The following MEGF8 variants were observed in gnomAD, a reference collection of about 807,000 sequenced individuals.
MEGF8 encodes multiple EGF like domains 8, also known as multiple epidermal growth factor-like domains protein 8.
A neutral mutation model predicts 302.9 loss-of-function variants in MEGF8; 156 were observed. The observed-to-expected ratio is 0.52, with a 90% CI of 0.45 to 0.59. The LOEUF (loss-of-function observed/expected upper bound fraction) is 0.59, where lower values mean the gene tolerates loss of function less well. MEGF8 is among the 20% of genes least tolerant of loss of function. The pLI is 0.00. For missense variants in MEGF8, 3,345 were observed against 3,964.5 expected (o/e 0.84, Z 4.20); for synonymous variants, 1,621 against 1,660.5 (o/e 0.98, Z 0.58).
At chr19:42,373,217 C>G (rs566923939) in intron 41 of MEGF8, among the ~76,000 whole-genome samples, 1 of 150,470 alleles carries the variant, frequency 6.6e-6, no homozygotes, top group East Asian at 2.0e-4. Context: ...CTCAGCCCCC[C>G]GAGTAGCTGG....
In MEGF8 at chr19:42,349,489, C is replaced by T. The variant is rs2039337571; in HGVS notation, c.2299-10C>T. 5 of 1,609,096 alleles carry T rather than the reference C, an allele frequency of 3.1e-6. No individual in the cohort carries two copies. Among genetic ancestry groups the T allele is most frequent in the South Asian group, 1.1e-5 (1 of 90,788 alleles). ...CTGAGGCCCCTGCCTATCACTCACA[C>T]CTACCCCAGGAGGAGGTGGGGCGCT... On this transcript the variant is annotated splice_polypyrimidine_tract_variant and intron_variant, in intron 13 of 41. Transcript: ENST00000251268.
Position 42,352,033 on chromosome 19 carries a change from T to C in MEGF8, c.3102-175T>C, listed in dbSNP as rs2039382098. Among the ~76,000 whole-genome samples the C allele has an allele frequency of 6.6e-6, 1 of 152,236 alleles. No homozygotes were observed. The highest frequency in any genetic ancestry group is 6.5e-5 in the Admixed American group (1 of 15,282). On this transcript the variant is annotated intron_variant, in intron 18 of 41. Coordinates refer to ENST00000251268, the MANE Select transcript of MEGF8 (RefSeq NM_001271938.2). This position sits in a 1 kb window ranked among gnomAD's most constrained non-coding sequence, Gnocchi z 4.4. ...ACTGCATCTCTGTCTATGTCTCTCT[T>C]CTGTCTTCCAAAATTGTTTTTGTCT...
At position 42,351,590 on chromosome 19, in the gene MEGF8, G is replaced by A. The variant is rs770823751; in HGVS notation, c.2987+30G>A. ...GGTCCCTGGGGCAGGGCTAACAGAG[G>A]AAGATTCCCCACCGGCAAGGGGCTG... On this transcript the variant is annotated intron_variant, in intron 17 of 41. Transcript: ENST00000251268. This position sits in a 1 kb window ranked among gnomAD's most constrained non-coding sequence, Gnocchi z 5.6. The A allele has an allele frequency of 1.9e-6, 3 of 1,605,318 alleles. No homozygotes were observed. Among genetic ancestry groups the A allele is most frequent in the South Asian group, 1.1e-5 (1 of 89,430 alleles).
chr19:42,370,324 G>A lies in MEGF8; in HGVS notation c.6970G>A (p.Gly2324Arg), dbSNP rs2039668057. The change falls in exon 39 of 42, where the codon GGA becomes AGA. Residue 2324 changes from glycine (G) to arginine (R), a missense_variant. Gly to Arg is a moderately radical substitution (Grantham distance 125). Transcript: ENST00000251268. ...CAGGAAGGAGTTACAAATGTCCAAG[G>A]GAGAGCCAAAGAAGTACTCACTGGA... ...ISRKELQMSK[G>R]EPKKYSLDPE... 1 of 1,603,148 alleles carries A rather than the reference G, an allele frequency of 6.2e-7. No individual in the cohort carries two copies. Among genetic ancestry groups the A allele is most frequent in the Non-Finnish European group, 8.5e-7 (1 of 1,174,550 alleles).
At position 42,369,546 on chromosome 19, in the gene MEGF8, C is replaced by T. The variant is rs1375387637; in HGVS notation, c.6657C>T (p.Cys2219=). The T allele has an allele frequency of 1.2e-6, 2 of 1,608,750 alleles. No individual in the cohort carries two copies. The highest frequency in any genetic ancestry group is 1.7e-5 in the Admixed American group (1 of 59,996). ...GYTMDNMTGL[C]RPVCAQGCVN... is the part of the protein sequence containing the mutation. ...GCCCCTGCAGCATGACAGGGCTGTG[C>T]CGCCCTGTGTGCGCCCAGGGCTGCG... The change falls in exon 38 of 42, where the codon TGC becomes TGT. Residue 2219 remains cysteine (C), a synonymous_variant. Coordinates refer to ENST00000251268, the MANE Select transcript of MEGF8 (RefSeq NM_001271938.2). The surrounding 1 kb of genome is among the most constrained non-coding windows in gnomAD (Gnocchi z 5.7).
At position 42,354,524 on chromosome 19, in the gene MEGF8, C is replaced by T. The variant is rs1346420546; in HGVS notation, c.4012-64C>T. ...CCTCCCCTCTTGAACCCCTCCTCCTCCCAGACCCCAGGTGTCGTTCTCATC... is the reference window on the plus strand; with the variant it reads ...CCTCCCCTCTTGAACCCCTCCTCCTTCCAGACCCCAGGTGTCGTTCTCATC... On this transcript the variant is annotated intron_variant, in intron 22 of 41. Transcript: ENST00000251268. The surrounding 1 kb of genome is among the most constrained non-coding windows in gnomAD (Gnocchi z 4.3). 3.2e-6 allele frequency: 5 copies of T among 1,552,862 alleles called. No homozygotes were observed. The Admixed American group carries it at 7.1e-5, about 22-fold the overall frequency.
Position 42,373,370 on chromosome 19 carries a change from C to T in MEGF8, c.7269+1888C>T, listed in dbSNP as rs544838811. The stretch of plus-strand genomic sequence containing the variant: ...CCTTCCAGAGTGCTGGGATCACAGG[C>T]GTGAGCCACCACCCCCGGCCGGTTC... On this transcript the variant is annotated intron_variant, in intron 41 of 41. Transcript: ENST00000251268. Among the ~76,000 whole-genome samples, 95 of 152,138 alleles carry T rather than the reference C, an allele frequency of 6.2e-4. 1 individual carries two copies. The highest frequency in any genetic ancestry group is 6.8e-3 in the Middle Eastern group (2 of 294).
chr19:42,326,429 G>A lies in MEGF8; in HGVS notation c.186G>A (p.Glu62=), dbSNP rs1196128416. Reference sequence around the variant, plus strand: ...ATGGCAACTGCGAGTGGCTCATCGAGGGTGAGTGGGGCCGCGTGGGTCACT... The same window carrying A: ...ATGGCAACTGCGAGTGGCTCATCGAAGGTGAGTGGGGCCGCGTGGGTCACT... ...SVNGNCEWLI[E]APSPQHRILL... Residue 62 remains glutamate (E), a splice_region_variant and synonymous_variant, in exon 1 of 42, where the codon GAG becomes GAA. Transcript: ENST00000251268. The A allele has an allele frequency of 6.5e-7, 1 of 1,544,836 alleles. No individual in the cohort carries two copies.
In MEGF8 at chr19:42,352,015, C is replaced by T. The variant is rs1204007060; in HGVS notation, c.3102-193C>T. Among the ~76,000 whole-genome samples, 1 of 152,184 alleles carries T rather than the reference C, an allele frequency of 6.6e-6. No homozygotes were observed. Among genetic ancestry groups the T allele is most frequent in the Non-Finnish European group, 1.5e-5 (1 of 68,028 alleles). On this transcript the variant is annotated intron_variant, in intron 18 of 41. Coordinates refer to ENST00000251268, the MANE Select transcript of MEGF8 (RefSeq NM_001271938.2). The surrounding 1 kb of genome is among the most constrained non-coding windows in gnomAD (Gnocchi z 4.4). ...CTCTCCGCTCTCCCTTTCACTGCAT[C>T]TCTGTCTATGTCTCTCTTCTGTCTT... is the stretch of plus-strand genomic sequence containing the variant.
intron 5 of MEGF8, 27 bp downstream of exon 5, chr19:42,335,412 G>A (rs773856470): frequency 1.9e-6 from 3 of 1,609,486 alleles, no homozygotes; most frequent in Admixed American, 3.3e-5. Context: ...TGCCCTGGAG[G>A]AGCCTTTCCA....
chr19:42,376,353 C>A lies in MEGF8; in HGVS notation c.8116C>A (p.Pro2706Thr), dbSNP rs769540970. ...CGCCAAGGTCACCGTCTGCTTCCCA[C>A]CTGACCCTACTGCCCCGGCCTCCGC... Reference protein sequence around the residue: ...PFAKVTVCFPPDPTAPASAWK... With the variant: ...PFAKVTVCFPTDPTAPASAWK... The change falls in exon 42 of 42, where the codon CCT (proline) becomes ACT (threonine). Residue 2706 changes from proline (P) to threonine (T), a missense_variant. By Grantham distance (38) the Pro-to-Thr change is conservative. Transcript: ENST00000251268. This position sits in a 1 kb window ranked among gnomAD's most constrained non-coding sequence, Gnocchi z 8.2. 2 of 1,613,552 alleles carry A rather than the reference C, an allele frequency of 1.2e-6. No individual in the cohort carries two copies. The highest frequency in any genetic ancestry group is 1.7e-6 in the Non-Finnish European group (2 of 1,179,822).
chr19:42,338,175 G>A (rs2039158411), intron 8 of MEGF8, among the ~76,000 whole-genome samples: 1 of 152,062 alleles, frequency 6.6e-6, no homozygotes. Context: ...GTGTGTCATG[G>A]GGATTTGGTG....
chr19:42,369,376 G>T lies in MEGF8; in HGVS notation c.6642-155G>T, dbSNP rs1159570577. On this transcript the variant is annotated intron_variant, in intron 37 of 41. Coordinates refer to ENST00000251268, the MANE Select transcript of MEGF8 (RefSeq NM_001271938.2). The surrounding 1 kb of genome is among the most constrained non-coding windows in gnomAD (Gnocchi z 5.7). ...AGAGGGTTGTGGGCTACACCTGGAGGGGGTGGTGGGCTAGATCCTGAAGAG... is the reference window on the plus strand; with the variant it reads ...AGAGGGTTGTGGGCTACACCTGGAGTGGGTGGTGGGCTAGATCCTGAAGAG... Among the ~76,000 whole-genome samples, 2 of 152,118 alleles carry T rather than the reference G, an allele frequency of 1.3e-5. No homozygotes were observed. The highest frequency in any genetic ancestry group is 2.4e-5 in the African/African-American group (1 of 41,354).
chr19:42,373,216 C>G (rs1217424407), intron 41 of MEGF8, among the ~76,000 whole-genome samples: 1 of 151,816 alleles, frequency 6.6e-6, no homozygotes, highest in East Asian at 1.9e-4. Flanking sequence ...CCTCAGCCCC[C>G]CGAGTAGCTG....
intron 41 of MEGF8, 25 bp downstream of exon 41, chr19:42,371,507 G>C: frequency 6.2e-7 from 1 of 1,613,480 alleles, no homozygotes; most frequent in Non-Finnish European, 8.5e-7. Context: ...GCTAGTGGTG[G>C]GCCGAGGGCC....
At chr19:42,342,835 A>G (rs1364592570) in intron 8 of MEGF8, among the ~76,000 whole-genome samples, 1 of 152,140 alleles carries the variant, frequency 6.6e-6, no homozygotes, top group African/African-American at 2.4e-5. Context: ...TAAAATGCCC[A>G]GAAAGAAGGG....
At position 42,351,084 on chromosome 19, in the gene MEGF8, C is replaced by T. The variant is rs564291067; in HGVS notation, c.2737-132C>T. On this transcript the variant is annotated intron_variant, in intron 15 of 41. Coordinates refer to ENST00000251268, the MANE Select transcript of MEGF8 (RefSeq NM_001271938.2). This position sits in a 1 kb window ranked among gnomAD's most constrained non-coding sequence, Gnocchi z 5.6. ...GTGGTCGAAGGGAGGGGTCCAGAGA[C>T]GCAGGCAGCTGGGGAGGGAGATGGC... 69 of 790,668 alleles carry T rather than the reference C, an allele frequency of 8.7e-5. No individual in the cohort carries two copies. The highest frequency in any genetic ancestry group is 2.2e-4 in the Admixed American group (8 of 35,744). The allele number at this position is 790,668 out of a possible 1,614,324, so 49.0% of individuals were successfully genotyped here. A position where few individuals can be genotyped will look rare whatever the true frequency, so the allele number is the denominator to read the frequency against.
At chr19:42,334,809 CTT>C (rs1315671596) in intron 3 of MEGF8, among the ~76,000 whole-genome samples, 1 of 152,026 alleles carries the variant, frequency 6.6e-6, no homozygotes, top group African/African-American at 2.4e-5. Flanking sequence ...CTCTTTGTCT[CTT>C]GTTTCTGTCT....
chr19:42,356,483 G>T lies in MEGF8; in HGVS notation c.4622+30G>T. ...GGACTGCCCTGGGCAGGTGGGATTC[G>T]CAAATAAGAGAAGGTCACCTCGGGA... On this transcript the variant is annotated intron_variant, in intron 26 of 41. Coordinates refer to ENST00000251268, the MANE Select transcript of MEGF8 (RefSeq NM_001271938.2). This position sits in a 1 kb window ranked among gnomAD's most constrained non-coding sequence, Gnocchi z 5.2. The T allele has an allele frequency of 6.6e-7, 1 of 1,511,104 alleles. No homozygotes were observed. Among genetic ancestry groups the T allele is most frequent in the Non-Finnish European group, 8.9e-7 (1 of 1,119,978 alleles). 93.6% of individuals were successfully genotyped at this position (1,511,104 alleles called of 1,614,324 possible).
Sources: gnomAD v4.1 joint callset for allele counts (sites outside exome capture counted in the v4.1 genomes callset) on GRCh38, gnomAD v4.1.1 for gene constraint, Gnocchi (gnomAD v3.1) non-coding constraint, MANE v1.5 for transcripts, NCBI Gene and HGNC (gene_info 2026-07-23, HGNC 2026-07-21) for gene names.